The following ARHGAP32 variants were observed in gnomAD, a reference collection of about 807,000 sequenced individuals.
ARHGAP32 encodes the protein rho GTPase-activating protein 32.
ARHGAP32 carries 51 observed loss-of-function variants against 186.5 expected under a neutral mutation model. The observed-to-expected ratio is 0.27, with a 90% confidence interval of 0.22 to 0.35. The LOEUF (loss-of-function observed/expected upper bound fraction) is 0.35. Among genes scored for constraint, ARHGAP32 ranks in the 10% least tolerant of loss-of-function variants. The pLI, the probability that ARHGAP32 is intolerant of heterozygous loss-of-function variation, is 1.00. For synonymous variants in ARHGAP32, 950 were observed against 964.3 expected, an observed-to-expected ratio of 0.99 and a Z score of 0.27; for missense variants, 2,186 against 2,623.5, an observed-to-expected ratio of 0.83 and a Z score of 3.64.
intron 1 of ARHGAP32, among the ~76,000 whole-genome samples, chr11:129,197,433 CA>C (rs1944407229): frequency 6.6e-6 from 1 of 152,002 alleles, no homozygotes; most frequent in African/African-American, 2.4e-5. Flanking sequence ...TTGTTTTTTT[CA>C]AAACTGTTCA....
At chr11:129,084,332 C>T (rs1011656745) in intron 6 of ARHGAP32, among the ~76,000 whole-genome samples, 3 of 143,372 alleles carry the variant, frequency 2.1e-5, no homozygotes, top group Non-Finnish European at 3.0e-5. Context: ...CAGACAAAGA[C>T]ATTCTAAGAA....
chr11:129,132,999 G>A (rs1008790030), intron 2 of ARHGAP32, among the ~76,000 whole-genome samples: 2 of 152,140 alleles, frequency 1.3e-5, no homozygotes, highest in Admixed American at 6.6e-5. Flanking sequence ...AAGAAAAGGG[G>A]TTTAGTTGGT....
chr11:129,202,727 C>T (rs1944469428), intron 1 of ARHGAP32, among the ~76,000 whole-genome samples: 1 of 152,076 alleles, frequency 6.6e-6, no homozygotes, highest in Admixed American at 6.6e-5. Context: ...ACAATAACCA[C>T]AATATCTACA....
rs191044915 is a variant in ARHGAP32 at position 129,155,941 on chromosome 11, G to A, written c.225+8378C>T. ...CATGGAAGGCGAGCCAAAGCAGAGT[G>A]GGGCGTTGCCTCACCTGGGAAGGGC... On this transcript the variant is annotated intron_variant, in intron 2 of 22. Transcript: ENST00000682385. Among the ~76,000 whole-genome samples the A allele has an allele frequency of 5.3e-5, 8 of 152,326 alleles. No individual in the cohort carries two copies. The East Asian group carries it at 1.5e-3, about 29-fold the overall frequency.
intron 1 of ARHGAP32, among the ~76,000 whole-genome samples, chr11:129,233,869 A>G (rs933115578): frequency 3.9e-5 from 6 of 152,068 alleles, no homozygotes; most frequent in African/African-American, 1.4e-4. Flanking sequence ...TACAGTTTTA[A>G]TATTTATCAT....
At chr11:129,200,456 T>C (rs1944443935) in intron 1 of ARHGAP32, among the ~76,000 whole-genome samples, 2 of 152,218 alleles carry the variant, frequency 1.3e-5, no homozygotes, top group African/African-American at 4.8e-5. Context: ...AAAGATCTGA[T>C]GGTTTTACAA....
At chr11:129,253,416 CTT>C (rs968733005) in intron 1 of ARHGAP32, among the ~76,000 whole-genome samples, 9 of 152,104 alleles carry the variant, frequency 5.9e-5, no homozygotes, top group African/African-American at 1.2e-4. Context: ...TTTAGATGCT[CTT>C]GTTTCCACAA....
chr11:128,969,075 C>T lies in ARHGAP32; in HGVS notation c.6138G>A (p.Leu2046=), dbSNP rs117353412. Residue 2046 remains leucine, a synonymous_variant, in exon 23 of 23, where the codon CTG becomes CTA. Coordinates refer to ENST00000682385, the MANE Select transcript of ARHGAP32 (RefSeq NM_001378024.1). The surrounding 1 kb of genome is among the most constrained non-coding windows in gnomAD (Gnocchi z 4.8). ...CAAAGACTCCTCGCTGGTGCTGAGG[C>T]AGGGAGTGGTAATCTTCCAGGTTAT... is the stretch of plus-strand genomic sequence containing the variant. The part of the protein sequence containing the change: ...QYDNLEDYHS[L]PQHQRGVFGG... The T allele has an allele frequency of 1.4e-3, 2,175 of 1,610,446 alleles. 7 individuals carry two copies. Among genetic ancestry groups the T allele is most frequent in the Non-Finnish European group, 1.7e-3 (2,047 of 1,177,704 alleles).
chr11:129,240,158 A>C (rs912592763), intron 1 of ARHGAP32, among the ~76,000 whole-genome samples: 1 of 151,820 alleles, frequency 6.6e-6, no homozygotes, highest in Non-Finnish European at 1.5e-5. Flanking sequence ...TCTCCTGCCA[A>C]CCTCATCATA....
chr11:129,178,712 A>T (rs939128098), intron 1 of ARHGAP32, among the ~76,000 whole-genome samples: 5 of 152,200 alleles, frequency 3.3e-5, no homozygotes, highest in Non-Finnish European at 5.9e-5. Context: ...CTATTTAGTA[A>T]ATGGTGCTGG....
In ARHGAP32 at chr11:128,970,344, C is replaced by T. The variant is rs1447040992; in HGVS notation, c.4869G>A (p.Glu1623=). The T allele has an allele frequency of 1.2e-6, 2 of 1,614,010 alleles. No individual in the cohort carries two copies. The highest frequency in any genetic ancestry group is 2.7e-5 in the African/African-American group (2 of 74,898). ...ACAGAGGTCTTGGGCAGTAGGCTGG[C>T]TCATCATCTGGGGGAACTTCTGTCC... The part of the protein sequence containing the change: ...ISRTEVPPDD[E]PAYCPRPLYQ... Residue 1623 remains glutamate (E), a synonymous_variant, in exon 23 of 23, where the codon GAG becomes GAA. Transcript: ENST00000682385. This position sits in a 1 kb window ranked among gnomAD's most constrained non-coding sequence, Gnocchi z 5.8.
chr11:129,130,552 A>G (rs1942787379), intron 2 of ARHGAP32, among the ~76,000 whole-genome samples: 2 of 152,134 alleles, frequency 1.3e-5, no homozygotes, highest in Non-Finnish European at 2.9e-5. Flanking sequence ...AACTTGCAAA[A>G]AAAAAACCTC....
chr11:129,216,970 A>T (rs1944656178), intron 1 of ARHGAP32, among the ~76,000 whole-genome samples: 1 of 152,122 alleles, frequency 6.6e-6, no homozygotes, highest in African/African-American at 2.4e-5. Context: ...ACTTGAAAAT[A>T]AGGTGTGCTC....
At chr11:129,237,853 A>G (rs1944956708) in intron 1 of ARHGAP32, among the ~76,000 whole-genome samples, 1 of 152,332 alleles carries the variant, frequency 6.6e-6, no homozygotes, top group East Asian at 1.9e-4. Context: ...GCTGCTCTAT[A>G]AAGACTAGAC....
At chr11:129,091,378 T>G (rs2135263255) in intron 6 of ARHGAP32, among the ~76,000 whole-genome samples, 1 of 152,176 alleles carries the variant, frequency 6.6e-6, no homozygotes, top group African/African-American at 2.4e-5. Context: ...GCTCACAATT[T>G]AGAAAGAAAT....
chr11:129,011,160 A>G lies in ARHGAP32; in HGVS notation c.1046-12692T>C, dbSNP rs1423675117. On this transcript the variant is annotated intron_variant, in intron 11 of 22. Coordinates refer to ENST00000682385, the MANE Select transcript of ARHGAP32 (RefSeq NM_001378024.1). ...TATAGCCAGCATTTACTTTACACTT[A>G]GTATGTGCAAGTAACTACCTAAGTG... is the stretch of plus-strand genomic sequence containing the variant. Among the ~76,000 whole-genome samples the G allele has an allele frequency of 3.3e-5, 5 of 152,218 alleles. No individual in the cohort carries two copies. In the East Asian group the frequency reaches 9.6e-4, roughly 29 times the overall value.
chr11:129,053,756 C>A (rs1405644737), intron 10 of ARHGAP32, among the ~76,000 whole-genome samples: 1 of 152,134 alleles, frequency 6.6e-6, no homozygotes, highest in East Asian at 1.9e-4. Flanking sequence ...CAATTTATTT[C>A]ATTTGCATTA....
At position 128,972,978 on chromosome 11, in the gene ARHGAP32, T is replaced by C. The variant is rs581258; in HGVS notation, c.3528A>G (p.Glu1176=). 0.16 allele frequency: 257,019 copies of C among 1,613,742 alleles called. 21,726 individuals carry two copies. The highest frequency in any genetic ancestry group is 0.28 in the African/African-American group (21,096 of 74,900). ...PHQAYLSGDP[E]KARITSVPLD... is the part of the protein sequence containing the mutation. ...AGGGAACTGAAGTAATTCTGGCCTT[T>C]TCTGGGTCCCCAGATAAATATGCTT... The change falls in exon 22 of 23, where the codon GAA becomes GAG. Residue 1176 remains glutamate (E), a synonymous_variant. Coordinates refer to ENST00000682385, the MANE Select transcript of ARHGAP32 (RefSeq NM_001378024.1).
intron 2 of ARHGAP32, among the ~76,000 whole-genome samples, chr11:129,129,880 T>C (rs568768328): frequency 3.9e-5 from 6 of 152,306 alleles, no homozygotes; most frequent in South Asian, 4.1e-4. Context: ...AACAAAAGAG[T>C]TGAACATAAC....
Sources: allele counts gnomAD v4.1 joint callset (sites outside exome capture counted in the v4.1 genomes callset), GRCh38; gene constraint gnomAD v4.1.1; non-coding constraint Gnocchi (gnomAD v3.1); transcripts MANE v1.5; gene names NCBI Gene and HGNC (gene_info 2026-07-23, HGNC 2026-07-21).